Variants in TRIM2 observed in about 807,000 individuals in gnomAD.
TRIM2 encodes tripartite motif containing 2.
TRIM2 carries 20 observed loss-of-function variants against 75.2 expected under a neutral mutation model. The observed-to-expected ratio is 0.27, with a 90% confidence interval of 0.19 to 0.39. TRIM2 has a LOEUF of 0.39. Ranked by LOEUF, TRIM2 falls within the 10% of genes least tolerant of loss-of-function variation. The probability of loss-of-function intolerance (pLI) is 1.00; values close to 1 mark genes in which losing one functional copy is unlikely to be tolerated. For missense variants in TRIM2, 660 were observed against 990.8 expected (o/e 0.67, Z 4.48); for synonymous variants, 373 against 388.3 (o/e 0.96, Z 0.46).
chr4:153,184,802 C>G (rs151150281), intron 1 of TRIM2, among the ~76,000 whole-genome samples: 1 of 152,180 alleles, frequency 6.6e-6, no homozygotes. Context: ...CTCTCAGATA[C>G]GAGAAACCTC....
At chr4:153,211,493 T>C (rs950791771) in intron 1 of TRIM2, among the ~76,000 whole-genome samples, 3 of 146,744 alleles carry the variant, frequency 2.0e-5, no homozygotes, top group African/African-American at 7.9e-5. Flanking sequence ...TTTTTCTTTT[T>C]TTTTTTTTTT....
At chr4:153,255,026 C>A (rs1032943666) in intron 1 of TRIM2, among the ~76,000 whole-genome samples, 1 of 152,172 alleles carries the variant, frequency 6.6e-6, no homozygotes, top group African/African-American at 2.4e-5. Context: ...CCGCACACCC[C>A]GCACACCTCC....
chr4:153,166,521 C>A (rs1169954351), intron 1 of TRIM2, among the ~76,000 whole-genome samples: 1 of 137,704 alleles, frequency 7.3e-6, no homozygotes, highest in Non-Finnish European at 1.6e-5. Context: ...TCTTTTCCTT[C>A]CTTCCTTCCT....
chr4:153,226,903 C>T (rs537631659), intron 1 of TRIM2, among the ~76,000 whole-genome samples: 2 of 152,282 alleles, frequency 1.3e-5, no homozygotes, highest in African/African-American at 4.8e-5. Flanking sequence ...GTCTGCTAGC[C>T]AACAAGGATT....
chr4:153,284,460 T>A (rs904490961), intron 3 of TRIM2, among the ~76,000 whole-genome samples: 7 of 152,192 alleles, frequency 4.6e-5, no homozygotes, highest in Non-Finnish European at 8.8e-5. Flanking sequence ...AGCCTTGGCC[T>A]CCCAAAGTGC....
intron 1 of TRIM2, among the ~76,000 whole-genome samples, chr4:153,223,694 C>G (rs1741334336): frequency 6.6e-6 from 1 of 152,182 alleles, no homozygotes; most frequent in East Asian, 1.9e-4. Context: ...ATTCTGTGAA[C>G]CCCAAATTCG....
chr4:153,192,266 C>A (rs1733272909), intron 1 of TRIM2, among the ~76,000 whole-genome samples: 1 of 152,134 alleles, frequency 6.6e-6, no homozygotes, highest in South Asian at 2.1e-4. Flanking sequence ...ACATTACAAT[C>A]AAAGCATCAA....
At chr4:153,247,677 C>CAAAAAAA (rs1183914263) in intron 1 of TRIM2, among the ~76,000 whole-genome samples, 45 of 79,528 alleles carry the variant, frequency 5.7e-4, no homozygotes, top group South Asian at 1.9e-3. Context: ...GACTCTGTCT[C>CAAAAAAA]AAAAAAAAAA....
At position 153,289,066 on chromosome 4, in the gene TRIM2, C is replaced by T. The variant is rs1387332906; in HGVS notation, c.454-3916C>T. 2.0e-5 allele frequency among the ~76,000 whole-genome samples: 3 copies of T among 152,000 alleles called. No homozygotes were observed. In the South Asian group the frequency reaches 6.2e-4, roughly 32 times the overall value. On this transcript the variant is annotated intron_variant, in intron 3 of 11. Transcript: ENST00000338700. ...TAAAGTCAAGTAAGTCCAATCTGGG[C>T]TTCTTTAGGGAGAGTGCCTATAAAT...
At chr4:153,320,699 C>T (rs1439941294) in intron 8 of TRIM2, among the ~76,000 whole-genome samples, 1 of 152,186 alleles carries the variant, frequency 6.6e-6, no homozygotes, top group Non-Finnish European at 1.5e-5. Flanking sequence ...GTGGCGCGAC[C>T]TTGGCTAACT....
At chr4:153,203,738 A>G (rs183884255), upstream of TRIM2, among the ~76,000 whole-genome samples, 7 of 152,218 alleles carry the variant, frequency 4.6e-5, no homozygotes, top group East Asian at 1.4e-3. Flanking sequence ...CTAAAAATAC[A>G]AAAATTCACC....
intron 1 of TRIM2, among the ~76,000 whole-genome samples, chr4:153,244,364 T>C (rs376380130): frequency 0.015 from 471 of 30,558 alleles, 11 homozygotes; most frequent in East Asian, 0.024. Flanking sequence ...CCTCTTCTTC[T>C]TCTTCTTCTT....
At chr4:153,190,201 AG>A (rs146799305) in intron 1 of TRIM2, among the ~76,000 whole-genome samples, 4,064 of 152,358 alleles carry the variant, frequency 0.027, 84 homozygotes, top group Non-Finnish European at 0.043. Context: ...CTAGAAAGGA[AG>A]TACTGTAGAG....
At position 153,270,514 on chromosome 4, in the gene TRIM2, C is replaced by T. The variant is rs750120043; in HGVS notation, c.210C>T (p.Cys70=). The T allele has an allele frequency of 4.9e-5, 79 of 1,606,434 alleles. No individual in the cohort carries two copies. Among genetic ancestry groups the T allele is most frequent in the Non-Finnish European group, 5.4e-5 (64 of 1,176,244 alleles). ...PKVLPCLHTF[C]ERCLQNYIPA... The stretch of plus-strand genomic sequence containing the variant: ...TTCTCCCCTGTCTGCACACTTTCTG[C>T]GAGAGGTAAGCCTCCTTTGTGCTTG... The change falls in exon 2 of 12, where the codon TGC becomes TGT. Residue 70 remains cysteine (C), a synonymous_variant. Transcript: ENST00000338700.
intron 1 of TRIM2, chr4:153,257,640 G>A: frequency 8.0e-7 from 1 of 1,250,288 alleles, no homozygotes; most frequent in Non-Finnish European, 1.0e-6. Context: ...TTTGCATGGT[G>A]CTTCCCAACT....
At chr4:153,207,476 G>A (rs1328908674) in intron 1 of TRIM2, among the ~76,000 whole-genome samples, 1 of 152,178 alleles carries the variant, frequency 6.6e-6, no homozygotes, top group African/African-American at 2.4e-5. Flanking sequence ...CCAAATAATG[G>A]GATGACAATC....
At chr4:153,221,471 G>A (rs1336157425) in intron 1 of TRIM2, among the ~76,000 whole-genome samples, 2 of 152,138 alleles carry the variant, frequency 1.3e-5, no homozygotes, top group East Asian at 3.9e-4. Context: ...GCCTCCTCTG[G>A]GAGGCCTTTC....
rs888426388 is a variant in TRIM2 at position 153,306,813 on chromosome 4, A to G, written c.1511-8672A>G. On this transcript the variant is annotated intron_variant, in intron 6 of 11. Transcript: ENST00000338700. ...TTACACTGCAGAAATGGGAAATGCTACATATCAGAGCTCCCCTGGCCTCCC... is the reference window on the plus strand; with the variant it reads ...TTACACTGCAGAAATGGGAAATGCTGCATATCAGAGCTCCCCTGGCCTCCC... 2.0e-5 allele frequency among the ~76,000 whole-genome samples: 3 copies of G among 152,052 alleles called. No homozygotes were observed. In the South Asian group the frequency reaches 6.2e-4, roughly 32 times the overall value.
At chr4:153,277,233 T>A (rs1315951560) in intron 3 of TRIM2, among the ~76,000 whole-genome samples, 1 of 152,236 alleles carries the variant, frequency 6.6e-6, no homozygotes, top group Non-Finnish European at 1.5e-5. Context: ...CCTGGGTTGC[T>A]CTTTGTTTCC....
Sources: gnomAD v4.1 joint callset for allele counts (sites outside exome capture counted in the v4.1 genomes callset) on GRCh38, gnomAD v4.1.1 for gene constraint, MANE v1.5 for transcripts, NCBI Gene and HGNC (gene_info 2026-07-23, HGNC 2026-07-21) for gene names.